Variants in NDC1 observed in about 807,000 individuals in gnomAD.
NDC1 encodes the protein NDC1 transmembrane nucleoporin, also known as nucleoporin NDC1.
In NDC1, 24 loss-of-function variants were observed where a neutral mutation model predicts 89.8. That is an observed-to-expected ratio of 0.27 (90% confidence interval 0.19 to 0.38). NDC1 has a LOEUF of 0.38. Among genes scored for constraint, NDC1 ranks in the 10% least tolerant of loss-of-function variants. NDC1 has a pLI of 1.00. For missense variants in NDC1, 728 were observed against 797.6 expected (o/e 0.91, Z 1.05); for synonymous variants, 296 against 284.8 (o/e 1.04, Z -0.39).
intron 16 of NDC1, among the ~76,000 whole-genome samples, chr1:53,772,714 AACAT>A (rs1647127202): frequency 2.0e-5 from 3 of 150,390 alleles, no homozygotes; most frequent in Admixed American, 1.3e-4. Flanking sequence ...AACATAACAT[AACAT>A]AACAAAACAA....
intron 14 of NDC1, among the ~76,000 whole-genome samples, chr1:53,791,611 TACA>T (rs1409331906): frequency 2.0e-5 from 3 of 152,150 alleles, no homozygotes; most frequent in South Asian, 2.1e-4. Flanking sequence ...CTAAGTACCA[TACA>T]ACAAGTCTAT....
In NDC1 at chr1:53,821,783, C is replaced by T. The variant is rs79774634; in HGVS notation, c.595-2704G>A. Among the ~76,000 whole-genome samples, 873 of 152,330 alleles carry T rather than the reference C, an allele frequency of 5.7e-3. 13 individuals carry two copies. The highest frequency in any genetic ancestry group is 0.02 in the African/African-American group (823 of 41,572). On this transcript the variant is annotated intron_variant, in intron 5 of 17. Transcript: ENST00000371429. ...TTTTCAATTCTCTGTTGGATTTCTT[C>T]TGTGATGTAGCTATGAACTACCCTT...
rs1052648381 is a variant in NDC1 at position 53,765,920 on chromosome 1, A to T, written c.*2050T>A. Reference sequence around the variant, plus strand: ...TAGTACACAGGAGGAGTTCCCCATAATAACACCCTGGTTCCAACAGATGGT... The same window carrying T: ...TAGTACACAGGAGGAGTTCCCCATATTAACACCCTGGTTCCAACAGATGGT... On this transcript the variant is annotated 3_prime_UTR_variant, in exon 18 of 18. Transcript: ENST00000371429. 8.5e-5 allele frequency: 13 copies of T among 152,100 alleles called. No individual in the cohort carries two copies. Among genetic ancestry groups the T allele is most frequent in the Admixed American group, 3.3e-4 (5 of 15,266 alleles). 9.4% of individuals were successfully genotyped at this position (152,100 alleles called of 1,614,324 possible).
intron 15 of NDC1, among the ~76,000 whole-genome samples, chr1:53,787,796 G>A (rs1488131976): frequency 6.6e-6 from 1 of 150,618 alleles, no homozygotes; most frequent in African/African-American, 2.4e-5. Context: ...ACAGTCTCTG[G>A]CTTTACATTC....
chr1:53,796,043 C>T (rs893963509), intron 13 of NDC1, among the ~76,000 whole-genome samples: 3 of 152,206 alleles, frequency 2.0e-5, no homozygotes, highest in Non-Finnish European at 4.4e-5. Flanking sequence ...CTCAGATGCA[C>T]TGGGCTGCTC....
rs1375100705 is a variant in NDC1 at position 53,830,997 on chromosome 1, C to T, written c.280+1493G>A. On this transcript the variant is annotated intron_variant, in intron 3 of 17. Transcript: ENST00000371429. The stretch of plus-strand genomic sequence containing the variant: ...AGCACTTTGGAAGGCCAAGGCAGGC[C>T]GATCACGAGGTGAGGAGATTGAGAC... 7.2e-5 allele frequency among the ~76,000 whole-genome samples: 11 copies of T among 152,156 alleles called. No individual in the cohort carries two copies. In the South Asian group the frequency reaches 2.1e-3, roughly 29 times the overall value.
At chr1:53,773,407 C>T (rs1570152903) in intron 16 of NDC1, among the ~76,000 whole-genome samples, 1 of 152,078 alleles carries the variant, frequency 6.6e-6, no homozygotes, top group South Asian at 2.1e-4. Context: ...GATGCAATAT[C>T]CTTTCTTATT....
At chr1:53,827,212 T>C (rs1648894123) in intron 4 of NDC1, among the ~76,000 whole-genome samples, 1 of 151,488 alleles carries the variant, frequency 6.6e-6, no homozygotes, top group African/African-American at 2.4e-5. Context: ...AATGTAACAC[T>C]GTTTTAAAGT....
intron 6 of NDC1, among the ~76,000 whole-genome samples, chr1:53,814,574 G>GA (rs1234602693): frequency 6.6e-6 from 1 of 151,514 alleles, no homozygotes; most frequent in African/African-American, 2.4e-5. Context: ...AAACCCAGCT[G>GA]AAAAAAGGAA....
At position 53,818,986 on chromosome 1, in the gene NDC1, A is replaced by G; in HGVS notation, c.688T>C (p.Leu230=). 6.7e-7 allele frequency: 1 copy of G among 1,503,212 alleles called. No homozygotes were observed. The allele number at this position is 1,503,212 out of a possible 1,614,324, so 93.1% of individuals were successfully genotyped here. Residue 230 remains leucine, a synonymous_variant, in exon 6 of 18, where the codon TTA becomes CTA. Transcript: ENST00000371429. ...SLFLVRNFCI[L]YYFLGYIPKA... ...AAATTCTTACCAAGAAAATAATATA[A>G]AATGCAGAAATTTCTAACCAGGAAC... is the stretch of plus-strand genomic sequence containing the variant.
At chr1:53,785,942 T>C (rs1195498858) in intron 16 of NDC1, among the ~76,000 whole-genome samples, 1 of 150,356 alleles carries the variant, frequency 6.7e-6, no homozygotes, top group African/African-American at 2.5e-5. Flanking sequence ...TATTTACTTT[T>C]GAGACAAGGT....
intron 14 of NDC1, among the ~76,000 whole-genome samples, chr1:53,789,746 C>T (rs1383638260): frequency 5.3e-5 from 8 of 150,302 alleles, no homozygotes; most frequent in African/African-American, 2.0e-4. Flanking sequence ...TTGCAGTGAG[C>T]TGAGATCGCG....
At position 53,812,451 on chromosome 1, in the gene NDC1, T is replaced by G. The variant is rs934667842; in HGVS notation, c.704-2705A>C. Among the ~76,000 whole-genome samples the G allele has an allele frequency of 5.9e-5, 9 of 152,292 alleles. 1 individual carries two copies. Among genetic ancestry groups the G allele is most frequent in the African/African-American group, 1.9e-4 (8 of 41,550 alleles). On this transcript the variant is annotated intron_variant, in intron 6 of 17. Transcript: ENST00000371429. Reference sequence around the variant, plus strand: ...AATTCAGGAAACTTTGGATTCACTTTTAGAAATGCGAAATGCTCTGGAAAG... The same window carrying G: ...AATTCAGGAAACTTTGGATTCACTTGTAGAAATGCGAAATGCTCTGGAAAG...
chr1:53,806,295 AT>A, intron 9 of NDC1, 129 bp downstream of exon 9: 1 of 551,260 alleles, frequency 1.8e-6, no homozygotes. Flanking sequence ...CAAGTAGGTG[AT>A]TTTTATCATA....
intron 17 of NDC1, among the ~76,000 whole-genome samples, chr1:53,769,232 C>T (rs1647091641): frequency 6.6e-6 from 1 of 152,026 alleles, no homozygotes; most frequent in Admixed American, 6.6e-5. Flanking sequence ...ATTAAATTAG[C>T]CTAAATTAGG....
chr1:53,806,531 TA>T lies in NDC1; in HGVS notation c.892-15del. The T allele has an allele frequency of 6.9e-7, 1 of 1,440,844 alleles. No individual in the cohort carries two copies. Among genetic ancestry groups the T allele is most frequent in the South Asian group, 1.6e-5 (1 of 62,626 alleles). 89.3% of individuals were successfully genotyped at this position (1,440,844 alleles called of 1,614,324 possible). On this transcript the variant is annotated splice_polypyrimidine_tract_variant and intron_variant, in intron 8 of 17. Coordinates refer to ENST00000371429, the MANE Select transcript of NDC1 (RefSeq NM_018087.5). ...AAACACATGAGCCTATCAAATAAAT[TA>T]AAAACCAAAAATGATTATTTTCATG...
At chr1:53,835,406 G>C (rs924979919) in intron 2 of NDC1, 94 bp downstream of exon 2, 21 of 908,174 alleles carry the variant, frequency 2.3e-5, no homozygotes, top group Non-Finnish European at 3.3e-5. Flanking sequence ...TATAACATAG[G>C]CAGTAATTGA....
chr1:53,828,127 G>A lies in NDC1; in HGVS notation c.327C>T (p.Ile109=). 1 of 1,614,100 alleles carries A rather than the reference G, an allele frequency of 6.2e-7. No individual in the cohort carries two copies. Among genetic ancestry groups the A allele is most frequent in the Non-Finnish European group, 8.5e-7 (1 of 1,180,016 alleles). Reference sequence around the variant, plus strand: ...AGTGCATGAGTTGCTGAGGATGAATGATCTTCCCTATCAGAGCTAGTCTGG... The same window carrying A: ...AGTGCATGAGTTGCTGAGGATGAATAATCTTCCCTATCAGAGCTAGTCTGG... The part of the protein sequence containing the change: ...PCSRLALIGK[I]IHPQQLMHSF... Residue 109 remains isoleucine (I), a synonymous_variant, in exon 4 of 18, where the codon ATC becomes ATT. Transcript: ENST00000371429.
chr1:53,799,349 G>A (rs751553705), intron 11 of NDC1, among the ~76,000 whole-genome samples: 5 of 152,166 alleles, frequency 3.3e-5, no homozygotes, highest in Non-Finnish European at 7.4e-5. Flanking sequence ...AATTCAATAA[G>A]TATTTGTTGA....
Sources: gnomAD v4.1 joint callset for allele counts (sites outside exome capture counted in the v4.1 genomes callset) on GRCh38, gnomAD v4.1.1 for gene constraint, MANE v1.5 for transcripts, NCBI Gene and HGNC (gene_info 2026-07-23, HGNC 2026-07-21) for gene names.